The following NLK variants were observed in gnomAD, a reference collection of about 807,000 sequenced individuals.
NLK encodes the protein nemo like kinase, also known as serine/threonine-protein kinase NLK.
A neutral mutation model predicts 59.0 loss-of-function variants in NLK; 11 were observed. The ratio of observed to expected loss-of-function variants is 0.19; its 90% CI spans 0.12 to 0.31. The LOEUF is 0.31. Among genes scored for constraint, NLK ranks in the 10% least tolerant of loss-of-function variants. The probability of loss-of-function intolerance (pLI) is 1.00; values close to 1 mark genes in which losing one functional copy is unlikely to be tolerated. For synonymous variants in NLK, 235 were observed against 235.9 expected (o/e 1.00, Z 0.03); for missense variants, 410 against 661.1 (o/e 0.62, Z 4.16).
intron 3 of NLK, among the ~76,000 whole-genome samples, chr17:28,159,360 G>T (rs1002291040): frequency 6.6e-6 from 1 of 152,178 alleles, no homozygotes; most frequent in Admixed American, 6.5e-5. Flanking sequence ...TGAATTGATG[G>T]ATGGAAAGAG....
chr17:28,058,978 T>A (rs2142743775), intron 1 of NLK, among the ~76,000 whole-genome samples: 1 of 151,992 alleles, frequency 6.6e-6, no homozygotes, highest in East Asian at 1.9e-4. Context: ...ATACAAAAAT[T>A]AGCTGGACAT....
At chr17:28,083,146 A>G (rs1425748689) in intron 1 of NLK, among the ~76,000 whole-genome samples, 1 of 152,224 alleles carries the variant, frequency 6.6e-6, no homozygotes, top group African/African-American at 2.4e-5. Flanking sequence ...CCTGTGAAGC[A>G]GCTTGATCTG....
At chr17:28,201,062 ATTCTGTCAT>A (rs1909616281), downstream of NLK, among the ~76,000 whole-genome samples, 1 of 152,068 alleles carries the variant, frequency 6.6e-6, no homozygotes, top group Non-Finnish European at 1.5e-5. Context: ...GCTGTCTGTA[ATTCTGTCAT>A]TTCACCTGTA....
At chr17:28,124,502 G>T (rs965126935) in intron 2 of NLK, among the ~76,000 whole-genome samples, 3 of 151,736 alleles carry the variant, frequency 2.0e-5, no homozygotes, top group Non-Finnish European at 2.9e-5. Context: ...CTTCAGTCTG[G>T]GTGCAGAGCA....
chr17:28,183,115 G>A (rs1567739846), intron 7 of NLK, among the ~76,000 whole-genome samples: 1 of 152,190 alleles, frequency 6.6e-6, no homozygotes, highest in African/African-American at 2.4e-5. Context: ...CGACTACTCG[G>A]GAGGCTGAGG....
downstream of NLK, among the ~76,000 whole-genome samples, chr17:28,198,995 G>A (rs1008947810): frequency 6.6e-6 from 1 of 152,146 alleles, no homozygotes; most frequent in African/African-American, 2.4e-5. Context: ...AAGTCAGAAG[G>A]TTTTTGTGGA....
intron 1 of NLK, among the ~76,000 whole-genome samples, chr17:28,073,017 A>G (rs1041342403): frequency 6.0e-5 from 9 of 151,016 alleles, no homozygotes; most frequent in Admixed American, 2.0e-4. Flanking sequence ...GAAGCAGGGT[A>G]TTAGATTTTT....
At chr17:28,166,104 GCTC>G in intron 5 of NLK, among the ~76,000 whole-genome samples, 1 of 152,142 alleles carries the variant, frequency 6.6e-6, no homozygotes, top group Non-Finnish European at 1.5e-5. Context: ...AGTCCCAGCT[GCTC>G]AGGAGGCAGA....
intron 3 of NLK, among the ~76,000 whole-genome samples, chr17:28,135,173 A>G (rs1365471332): frequency 6.6e-6 from 1 of 152,162 alleles, no homozygotes; most frequent in African/African-American, 2.4e-5. Flanking sequence ...CAAACCTTAA[A>G]ATTAGAAGAA....
intron 8 of NLK, among the ~76,000 whole-genome samples, chr17:28,189,339 T>C (rs1443491866): frequency 6.6e-6 from 1 of 152,188 alleles, no homozygotes; most frequent in Admixed American, 6.5e-5. Flanking sequence ...TCTGTGCTCT[T>C]TGGAGTAAAA....
At chr17:28,129,362 A>G (rs955541658) in intron 2 of NLK, among the ~76,000 whole-genome samples, 7 of 152,170 alleles carry the variant, frequency 4.6e-5, no homozygotes. Context: ...CTGAGGCAGG[A>G]GAATCGCTTG....
intron 8 of NLK, among the ~76,000 whole-genome samples, chr17:28,186,948 C>A (rs1909141091): frequency 6.6e-6 from 1 of 152,108 alleles, no homozygotes. Flanking sequence ...ATATAACTTG[C>A]TTTATTGAGC....
At chr17:28,123,166 T>TA (rs1906139959) in intron 2 of NLK, among the ~76,000 whole-genome samples, 1 of 152,206 alleles carries the variant, frequency 6.6e-6, no homozygotes, top group South Asian at 2.1e-4. Context: ...GCACAAGCCC[T>TA]AAACTCCAAA....
the NLK span, among the ~76,000 whole-genome samples, chr17:28,203,733 C>A: frequency 2.6e-5 from 4 of 152,224 alleles, no homozygotes; most frequent in East Asian, 5.8e-4. Context: ...GATAGGGTTT[C>A]GCCATGTTGG....
chr17:28,147,051 CCTCT>C (rs975853580), intron 3 of NLK, among the ~76,000 whole-genome samples: 2 of 152,030 alleles, frequency 1.3e-5, no homozygotes, highest in African/African-American at 4.8e-5. Flanking sequence ...ACCTTCTTGC[CCTCT>C]CTCCTTGATT....
At chr17:28,077,451 C>G (rs1910210888) in intron 1 of NLK, among the ~76,000 whole-genome samples, 1 of 152,058 alleles carries the variant, frequency 6.6e-6, no homozygotes, top group Non-Finnish European at 1.5e-5. Flanking sequence ...CCCACCGGGT[C>G]CCTCCCACAA....
chr17:28,152,071 G>A (rs1355579429), intron 3 of NLK, among the ~76,000 whole-genome samples: 1 of 152,178 alleles, frequency 6.6e-6, no homozygotes, highest in South Asian at 2.1e-4. Flanking sequence ...ATCAAAAATA[G>A]TTCAGTTTGT....
At chr17:28,063,735 G>A (rs965904294) in intron 1 of NLK, among the ~76,000 whole-genome samples, 6 of 152,096 alleles carry the variant, frequency 3.9e-5, no homozygotes, top group African/African-American at 1.4e-4. Flanking sequence ...GGAGCTTTGC[G>A]ACAAATAGGA....
chr17:28,107,088 T>C (rs184787941), intron 1 of NLK, among the ~76,000 whole-genome samples: 177 of 152,204 alleles, frequency 1.2e-3, no homozygotes, highest in African/African-American at 4.1e-3. Flanking sequence ...CACAAGAAAA[T>C]TGGATGGAAT....
Sources: allele counts gnomAD v4.1 joint callset (sites outside exome capture counted in the v4.1 genomes callset), GRCh38; gene constraint gnomAD v4.1.1; transcripts MANE v1.5; gene names NCBI Gene and HGNC (gene_info 2026-07-23, HGNC 2026-07-21).